PPME1: variants seen among roughly 807,000 people sequenced by gnomAD.
PPME1 encodes testicular secretory protein Li 39.
A neutral mutation model predicts 56.9 loss-of-function variants in PPME1; 17 were observed. The ratio of observed to expected loss-of-function variants is 0.30; its 90% CI spans 0.20 to 0.45. The LOEUF is 0.45. Ranked by LOEUF, PPME1 falls within the 20% of genes least tolerant of loss-of-function variation. The probability of loss-of-function intolerance (pLI) is 1.00; values close to 1 mark genes in which losing one functional copy is unlikely to be tolerated. For missense variants in PPME1, 357 were observed against 483.2 expected (o/e 0.74, Z 2.45); for synonymous variants, 122 against 156.2 (o/e 0.78, Z 1.63).
rs181576944 is a variant in PPME1 at position 74,254,042 on chromosome 11, A to G, written c.*532A>G. ...GTTTGGAAGACCCAGAGAGGCCAAG[A>G]TCCCATCCTTAGCCATAGCGAGCGG... On this transcript the variant is annotated 3_prime_UTR_variant, in exon 14 of 14. Coordinates refer to ENST00000328257, the MANE Select transcript of PPME1 (RefSeq NM_016147.3). The G allele has an allele frequency of 6.4e-6, 1 of 155,390 alleles. No individual in the cohort carries two copies. Among genetic ancestry groups the G allele is most frequent in the East Asian group, 1.9e-4 (1 of 5,230 alleles). The allele number at this position is 155,390 out of a possible 1,614,324, so 9.6% of individuals were successfully genotyped here.
chr11:74,249,201 C>T (rs1859589223), intron 11 of PPME1: 1 of 152,188 alleles, frequency 6.6e-6, no homozygotes, highest in Admixed American at 6.5e-5. Context: ...GAACATTCCA[C>T]AGAACAAAGG....
At chr11:74,197,655 T>A (rs1452423752) in intron 1 of PPME1, among the ~76,000 whole-genome samples, 3 of 152,182 alleles carry the variant, frequency 2.0e-5, no homozygotes, top group Non-Finnish European at 4.4e-5. Flanking sequence ...AACCTTTAGT[T>A]GGTAGCAAAT....
intron 1 of PPME1, among the ~76,000 whole-genome samples, chr11:74,175,256 A>T (rs189859188): frequency 3.9e-5 from 6 of 152,214 alleles, no homozygotes; most frequent in Admixed American, 1.3e-4. Context: ...TAATCTCAGC[A>T]CTTTGGGAGG....
At chr11:74,234,723 C>T (rs567796559) in intron 7 of PPME1, among the ~76,000 whole-genome samples, 1 of 152,164 alleles carries the variant, frequency 6.6e-6, no homozygotes, top group Non-Finnish European at 1.5e-5. Flanking sequence ...CAAGATAACT[C>T]TTTTGAGGAG....
intron 1 of PPME1, among the ~76,000 whole-genome samples, chr11:74,193,203 T>A (rs1217469224): frequency 6.6e-6 from 1 of 152,238 alleles, no homozygotes; most frequent in Non-Finnish European, 1.5e-5. Context: ...ATAAAAATGA[T>A]TATTAGTAAC....
intron 9 of PPME1, among the ~76,000 whole-genome samples, chr11:74,241,111 A>AGTT (rs1859346547): frequency 6.6e-6 from 1 of 152,206 alleles, no homozygotes; most frequent in South Asian, 2.1e-4. Context: ...GAACTGAGGC[A>AGTT]CATTAAGGAG....
chr11:74,228,194 A>C (rs1290891097), intron 5 of PPME1, among the ~76,000 whole-genome samples: 2 of 149,782 alleles, frequency 1.3e-5, no homozygotes, highest in African/African-American at 4.9e-5. Flanking sequence ...ATATTGTTTT[A>C]GATTAATTAA....
chr11:74,205,558 A>ATAG (rs1858305867), intron 3 of PPME1: 1 of 152,234 alleles, frequency 6.6e-6, no homozygotes, highest in South Asian at 2.1e-4. Flanking sequence ...GTCCCTGAAC[A>ATAG]TAGCACTTTG....
At chr11:74,240,756 A>G (rs1345171680) in intron 9 of PPME1, among the ~76,000 whole-genome samples, 3 of 152,224 alleles carry the variant, frequency 2.0e-5, no homozygotes, top group African/African-American at 7.2e-5. Flanking sequence ...ATTATGGTGT[A>G]GAATCTGAGG....
chr11:74,244,137 T>C (rs1398892593), intron 9 of PPME1, among the ~76,000 whole-genome samples: 1 of 152,234 alleles, frequency 6.6e-6, no homozygotes, highest in Non-Finnish European at 1.5e-5. Context: ...GAATTATATA[T>C]GTATATACCA....
chr11:74,230,125 C>T lies in PPME1; in HGVS notation c.399-120C>T. ...TACATAGGTATGTTTGTAAGATGGC[C>T]CAATAGACTTTTACAGTTTCCCAGC... On this transcript the variant is annotated intron_variant, in intron 5 of 13. Coordinates refer to ENST00000328257, the MANE Select transcript of PPME1 (RefSeq NM_016147.3). This position sits in a 1 kb window ranked among gnomAD's most constrained non-coding sequence, Gnocchi z 4.9. 1 of 1,088,822 alleles carries T rather than the reference C, an allele frequency of 9.2e-7. No homozygotes were observed. The highest frequency in any genetic ancestry group is 1.3e-6 in the Non-Finnish European group (1 of 760,872). 67.4% of individuals were successfully genotyped at this position (1,088,822 alleles called of 1,614,324 possible). A position where few individuals can be genotyped will look rare whatever the true frequency, so the allele number is the denominator to read the frequency against.
chr11:74,251,305 A>C, intron 12 of PPME1: 1 of 1,366,006 alleles, frequency 7.3e-7, no homozygotes, highest in Non-Finnish European at 9.4e-7. Flanking sequence ...CAGAGATGGA[A>C]GAGGGATGAT....
chr11:74,194,967 C>A (rs904727562), intron 1 of PPME1, among the ~76,000 whole-genome samples: 2 of 152,078 alleles, frequency 1.3e-5, no homozygotes, highest in Non-Finnish European at 2.9e-5. Flanking sequence ...AGCAGGCAGT[C>A]CTATTTGGAG....
intron 1 of PPME1, among the ~76,000 whole-genome samples, chr11:74,199,118 G>A (rs965195958): frequency 1.3e-5 from 2 of 152,108 alleles, no homozygotes; most frequent in Non-Finnish European, 2.9e-5. Context: ...TGCCTGAAAT[G>A]TCTTATCCCT....
chr11:74,246,770 T>TG (rs1471359960), intron 10 of PPME1, among the ~76,000 whole-genome samples: 2 of 152,230 alleles, frequency 1.3e-5, no homozygotes, highest in Non-Finnish European at 2.9e-5. Context: ...GACCTAATTC[T>TG]GGCCTGGCCT....
chr11:74,253,048 C>T (rs1306910222), intron 13 of PPME1, among the ~76,000 whole-genome samples: 2 of 152,162 alleles, frequency 1.3e-5, no homozygotes, highest in Admixed American at 1.3e-4. Context: ...AGAAAGTTTG[C>T]AGAAGAAATA....
Position 74,254,288 on chromosome 11 carries a change from A to G in PPME1, c.*778A>G, listed in dbSNP as rs1235895500. On this transcript the variant is annotated 3_prime_UTR_variant, in exon 14 of 14. Coordinates refer to ENST00000328257, the MANE Select transcript of PPME1 (RefSeq NM_016147.3). ...TGCACAAAGCCACAGGCCAAAGCCT[A>G]TGGAATTGTTTTTAATCATCAAATT... 4 of 152,872 alleles carry G rather than the reference A, an allele frequency of 2.6e-5. No individual in the cohort carries two copies. Among genetic ancestry groups the G allele is most frequent in the East Asian group, 3.8e-4 (2 of 5,208 alleles). The allele number at this position is 152,872 out of a possible 1,614,324, so 9.5% of individuals were successfully genotyped here.
intron 3 of PPME1, among the ~76,000 whole-genome samples, chr11:74,221,717 C>T (rs1858805328): frequency 6.6e-6 from 1 of 151,970 alleles, no homozygotes; most frequent in Admixed American, 6.6e-5. Context: ...AAGAAGATCC[C>T]CAATTATTTC....
intron 1 of PPME1, among the ~76,000 whole-genome samples, chr11:74,182,220 T>C (rs1010985072): frequency 6.6e-6 from 1 of 152,158 alleles, no homozygotes; most frequent in African/African-American, 2.4e-5. Context: ...TAGATAATAA[T>C]GCTAGCCTCA....
Sources: gnomAD v4.1 joint callset for allele counts (sites outside exome capture counted in the v4.1 genomes callset) on GRCh38, gnomAD v4.1.1 for gene constraint, Gnocchi (gnomAD v3.1) non-coding constraint, MANE v1.5 for transcripts, NCBI Gene and HGNC (gene_info 2026-07-23, HGNC 2026-07-21) for gene names.